Variants in LOC400499 observed in about 807,000 individuals in gnomAD.
At chr16:11,526,540 G>C in the LOC400499 span, among the ~76,000 whole-genome samples, 37 of 152,178 alleles carry the variant, frequency 2.4e-4, no homozygotes, top group African/African-American at 7.9e-4. Context: ...GAAATATGTC[G>C]TAAGTATAAA....
chr16:11,406,139 G>C, the LOC400499 span, among the ~76,000 whole-genome samples: 1 of 152,212 alleles, frequency 6.6e-6, no homozygotes, highest in Non-Finnish European at 1.5e-5. Context: ...ATCATACCAG[G>C]CAGGTAATTT....
the LOC400499 span, among the ~76,000 whole-genome samples, chr16:11,436,681 A>C: frequency 1.3e-5 from 2 of 151,676 alleles, no homozygotes; most frequent in African/African-American, 4.9e-5. Context: ...TCTGTCTCCC[A>C]GGTTCAAGCA....
At chr16:11,456,429 G>T in the LOC400499 span, among the ~76,000 whole-genome samples, 2,715 of 152,236 alleles carry the variant, frequency 0.018, 108 homozygotes, top group African/African-American at 0.063. Context: ...GAGTGTGTCT[G>T]GGGAACAAAA....
chr16:11,408,551 A>T, the LOC400499 span, among the ~76,000 whole-genome samples: 1 of 150,080 alleles, frequency 6.7e-6, no homozygotes, highest in Non-Finnish European at 1.5e-5. Flanking sequence ...TGCAGCCTCA[A>T]CCTCCTGGGC....
chr16:11,517,419 G>A, the LOC400499 span, among the ~76,000 whole-genome samples: 1 of 152,188 alleles, frequency 6.6e-6, no homozygotes, highest in African/African-American at 2.4e-5. Context: ...CAGGAAGGTA[G>A]AGGGAGTCTT....
the LOC400499 span, among the ~76,000 whole-genome samples, chr16:11,424,834 C>A: frequency 6.6e-6 from 1 of 152,152 alleles, no homozygotes; most frequent in Non-Finnish European, 1.5e-5. Context: ...CCACGCTGCA[C>A]AAGCTGTCCC....
the LOC400499 span, chr16:11,502,097 G>T: frequency 7.5e-6 from 3 of 399,052 alleles, no homozygotes; most frequent in African/African-American, 6.2e-5. Context: ...GGCATTTGAA[G>T]GAAGAATATT....
chr16:11,478,725 G>C, the LOC400499 span: 1 of 399,032 alleles, frequency 2.5e-6, no homozygotes, highest in Non-Finnish European at 4.4e-6. Flanking sequence ...AACACAGTCA[G>C]GGTTAGCAGA....
the LOC400499 span, chr16:11,469,535 G>C: frequency 4.0e-5 from 16 of 399,100 alleles, 1 homozygote; most frequent in South Asian, 1.9e-3. Flanking sequence ...TTCTTGGGAT[G>C]GAGAAGCTTG....
the LOC400499 span, chr16:11,431,205 C>G: frequency 7.5e-6 from 3 of 398,950 alleles, no homozygotes; most frequent in Non-Finnish European, 1.3e-5. Flanking sequence ...TCTGGTCCAG[C>G]AGTGCCTTGG....
chr16:11,525,896 C>T, the LOC400499 span, among the ~76,000 whole-genome samples: 1 of 152,188 alleles, frequency 6.6e-6, no homozygotes, highest in Non-Finnish European at 1.5e-5. Context: ...ACACTGCACA[C>T]TGGAGGTAAT....
At chr16:11,436,405 G>A in the LOC400499 span, among the ~76,000 whole-genome samples, 1 of 152,072 alleles carries the variant, frequency 6.6e-6, no homozygotes, top group Non-Finnish European at 1.5e-5. Flanking sequence ...GGTGCTGAAG[G>A]GAGCAGTGGG....
At chr16:11,378,564 G>A in the LOC400499 span, among the ~76,000 whole-genome samples, 1 of 152,126 alleles carries the variant, frequency 6.6e-6, no homozygotes, top group Non-Finnish European at 1.5e-5. Context: ...CACCCAGCCA[G>A]CTTCTTTTTT....
the LOC400499 span, among the ~76,000 whole-genome samples, chr16:11,491,188 T>A: frequency 6.6e-6 from 1 of 152,016 alleles, no homozygotes; most frequent in East Asian, 1.9e-4. Context: ...TGAACCTGGG[T>A]TCTCAGGCTC....
At chr16:11,439,256 C>T in the LOC400499 span, among the ~76,000 whole-genome samples, 1 of 152,174 alleles carries the variant, frequency 6.6e-6, no homozygotes, top group East Asian at 1.9e-4. Context: ...AAATGTGATC[C>T]TTCACCCCCT....
the LOC400499 span, among the ~76,000 whole-genome samples, chr16:11,400,357 C>A: frequency 6.6e-6 from 1 of 152,170 alleles, no homozygotes. Flanking sequence ...CCCGGGGCCG[C>A]CTCCCCCATG....
the LOC400499 span, chr16:11,516,112 C>G: frequency 2.5e-6 from 1 of 399,706 alleles, no homozygotes. Flanking sequence ...CACCTCTACC[C>G]CCTACCCCCT....
At chr16:11,453,908 C>T in the LOC400499 span, among the ~76,000 whole-genome samples, 1 of 152,134 alleles carries the variant, frequency 6.6e-6, no homozygotes, top group Non-Finnish European at 1.5e-5. Context: ...ATAGGAATTT[C>T]AGAACAAAGA....
chr16:11,407,284 C>T, the LOC400499 span: 2 of 398,834 alleles, frequency 5.0e-6, no homozygotes, highest in Non-Finnish European at 8.8e-6. Flanking sequence ...GAAAATGACG[C>T]TCCTCCACGC....
Sources: allele counts gnomAD v4.1 joint callset (sites outside exome capture counted in the v4.1 genomes callset), GRCh38; gene constraint gnomAD v4.1.1; transcripts MANE v1.5.